The following SLC44A5 variants were observed in gnomAD, a reference collection of about 807,000 sequenced individuals.
SLC44A5 encodes the protein choline transporter-like protein 5.
SLC44A5 carries 57 observed loss-of-function variants against 101.8 expected under a neutral mutation model. The ratio of observed to expected loss-of-function variants is 0.56; its 90% CI spans 0.45 to 0.70. The LOEUF (loss-of-function observed/expected upper bound fraction) is 0.70. Among genes scored for constraint, SLC44A5 ranks in the 30% least tolerant of loss-of-function variants. The pLI is 0.00. For synonymous variants in SLC44A5, 281 were observed against 290.9 expected (o/e 0.97, Z 0.35); for missense variants, 737 against 853.1 (o/e 0.86, Z 1.70).
At chr1:75,715,213 T>C in the SLC44A5 span, among the ~76,000 whole-genome samples, 2 of 152,208 alleles carry the variant, frequency 1.3e-5, no homozygotes, top group African/African-American at 2.4e-5. Flanking sequence ...AGAATGACTA[T>C]ACTTCCCAAA....
upstream of SLC44A5, among the ~76,000 whole-genome samples, chr1:75,615,434 CAT>C (rs1295682683): frequency 1.8e-4 from 16 of 88,916 alleles, 1 homozygote; most frequent in Admixed American, 1.4e-3. Flanking sequence ...CACACACATA[CAT>C]ACACACACAC....
At chr1:75,363,579 T>C (rs561371510) in intron 3 of SLC44A5, among the ~76,000 whole-genome samples, 36 of 152,160 alleles carry the variant, frequency 2.4e-4, no homozygotes, top group African/African-American at 8.2e-4. Context: ...CTCCTTATAT[T>C]TTATGATATT....
intron 5 of SLC44A5, among the ~76,000 whole-genome samples, chr1:75,283,214 G>A (rs1289832357): frequency 2.6e-5 from 4 of 151,614 alleles, no homozygotes; most frequent in Non-Finnish European, 5.9e-5. Context: ...GTGGTATTGT[G>A]TTGTAGTTTT....
chr1:75,532,640 A>T (rs1670784050), intron 2 of SLC44A5, among the ~76,000 whole-genome samples: 1 of 152,096 alleles, frequency 6.6e-6, no homozygotes, highest in South Asian at 2.1e-4. Context: ...ATCATTTTCC[A>T]CTAGAATGTA....
chr1:75,684,182 T>C, the SLC44A5 span, among the ~76,000 whole-genome samples: 1 of 152,142 alleles, frequency 6.6e-6, no homozygotes. Context: ...GAGAACAGTA[T>C]GGGGGAAACT....
the SLC44A5 span, among the ~76,000 whole-genome samples, chr1:75,656,377 A>G: frequency 1.6e-4 from 24 of 152,340 alleles, no homozygotes; most frequent in Non-Finnish European, 2.8e-4. Flanking sequence ...CAATACTGTA[A>G]TTGTGGTGTA....
intron 5 of SLC44A5, among the ~76,000 whole-genome samples, chr1:75,292,024 A>G (rs867983297): frequency 7.1e-4 from 98 of 137,156 alleles, no homozygotes; most frequent in Non-Finnish European, 1.2e-3. Context: ...AAAAAAAAAA[A>G]GAAAAGAAAA....
chr1:75,210,922 T>A (rs1646840468), intron 23 of SLC44A5, among the ~76,000 whole-genome samples: 1 of 152,134 alleles, frequency 6.6e-6, no homozygotes, highest in Non-Finnish European at 1.5e-5. Context: ...CTGTAAATAT[T>A]TAAGGTGTGT....
intron 4 of SLC44A5, among the ~76,000 whole-genome samples, chr1:75,311,142 A>G (rs1450398443): frequency 6.7e-6 from 1 of 150,166 alleles, no homozygotes; most frequent in African/African-American, 2.5e-5. Context: ...TTTGAGATGG[A>G]GTCTCTCTCT....
At chr1:75,255,550 C>T (rs535065229) in intron 6 of SLC44A5, among the ~76,000 whole-genome samples, 11 of 151,812 alleles carry the variant, frequency 7.2e-5, no homozygotes, top group East Asian at 3.9e-4. Context: ...GGCACTGAGA[C>T]GAATCCAGGT....
intron 2 of SLC44A5, among the ~76,000 whole-genome samples, chr1:75,467,446 G>A (rs1456773380): frequency 1.3e-5 from 2 of 152,056 alleles, no homozygotes; most frequent in Non-Finnish European, 2.9e-5. Context: ...TGGAGCTATA[G>A]AAACCAAAAA....
At position 75,238,533 on chromosome 1, in the gene SLC44A5, T is replaced by C; in HGVS notation, c.636A>G (p.Val212=). 1 of 1,603,550 alleles carries C rather than the reference T, an allele frequency of 6.2e-7. No homozygotes were observed. The highest frequency in any genetic ancestry group is 8.5e-7 in the Non-Finnish European group (1 of 1,175,540). The change falls in exon 10 of 24, where the codon GTA becomes GTG. Residue 212 remains valine, a synonymous_variant. Transcript: ENST00000370859. ...QDGNGGTRSV[V]ELGIAANGIN... ...CATACTTTGCAGCAATCCCGAGTTC[T>C]ACAACACTTCTTGTCCCTCCATTTC...
At chr1:75,671,038 C>T in the SLC44A5 span, among the ~76,000 whole-genome samples, 3 of 152,034 alleles carry the variant, frequency 2.0e-5, 1 homozygote, top group Non-Finnish European at 4.4e-5. Flanking sequence ...GAGACAAAGG[C>T]GTAAGGAGAA....
intron 2 of SLC44A5, among the ~76,000 whole-genome samples, chr1:75,400,981 C>G (rs1277752810): frequency 6.6e-6 from 1 of 152,200 alleles, no homozygotes; most frequent in East Asian, 1.9e-4. Context: ...CTGCAATAGA[C>G]AAGGCAACTG....
chr1:75,426,935 G>A (rs1260716803), intron 2 of SLC44A5, among the ~76,000 whole-genome samples: 1 of 152,236 alleles, frequency 6.6e-6, no homozygotes, highest in Non-Finnish European at 1.5e-5. Context: ...GTGCAGCGGC[G>A]CTTCGCCAGA....
At chr1:75,210,809 T>C (rs1646838281) in intron 23 of SLC44A5, among the ~76,000 whole-genome samples, 1 of 152,198 alleles carries the variant, frequency 6.6e-6, no homozygotes, top group Non-Finnish European at 1.5e-5. Flanking sequence ...CTCCATTCTC[T>C]TAGCTGTTAA....
At position 75,405,854 on chromosome 1, in the gene SLC44A5, A is replaced by G. The variant is rs1416006888; in HGVS notation, c.14-9233T>C. Among the ~76,000 whole-genome samples, 3 of 150,232 alleles carry G rather than the reference A, an allele frequency of 2.0e-5. No individual in the cohort carries two copies. In the East Asian group the frequency reaches 5.9e-4, roughly 30 times the overall value. ...TAGCAGAAGACAAGAAATAACTAAG[A>G]TCAGAGCAGAACTGAAGGCGATAGA... On this transcript the variant is annotated intron_variant, in intron 2 of 23. Coordinates refer to ENST00000370859, the MANE Select transcript of SLC44A5 (RefSeq NM_001130058.2).
chr1:75,465,068 A>T (rs1380505993), intron 2 of SLC44A5, among the ~76,000 whole-genome samples: 1 of 152,224 alleles, frequency 6.6e-6, no homozygotes, highest in Non-Finnish European at 1.5e-5. Flanking sequence ...CATTTTATCC[A>T]AGAGCTACAG....
the SLC44A5 span, among the ~76,000 whole-genome samples, chr1:75,618,984 C>T: frequency 1.3e-5 from 2 of 148,804 alleles, no homozygotes; most frequent in Non-Finnish European, 3.0e-5. Context: ...ACAGGAGAAT[C>T]GCTTGAACCT....
Sources: allele counts gnomAD v4.1 joint callset (sites outside exome capture counted in the v4.1 genomes callset), GRCh38; gene constraint gnomAD v4.1.1; transcripts MANE v1.5; gene names NCBI Gene and HGNC (gene_info 2026-07-23, HGNC 2026-07-21).